The following ABLIM2 variants were observed in gnomAD, a reference collection of about 807,000 sequenced individuals.
ABLIM2 encodes the protein actin binding LIM protein family member 2.
Under a neutral mutation model 97.7 loss-of-function variants are expected in ABLIM2, and 53 were observed. That is an observed-to-expected ratio of 0.54 (90% CI 0.44 to 0.68). ABLIM2 has a LOEUF of 0.68. ABLIM2 is among the 30% of genes least tolerant of loss of function. The pLI, the probability that ABLIM2 is intolerant of heterozygous loss-of-function variation, is 0.00. For missense variants in ABLIM2, 835 were observed against 867.2 expected, an observed-to-expected ratio of 0.96 and a Z score of 0.47; for synonymous variants, 361 against 345.8, an observed-to-expected ratio of 1.04 and a Z score of -0.49.
Position 8,032,605 on chromosome 4 carries a change from C to T in ABLIM2, c.1048-2829G>A. On this transcript the variant is annotated intron_variant, in intron 10 of 20. Transcript: ENST00000447017. This position sits in a 1 kb window ranked among gnomAD's most constrained non-coding sequence, Gnocchi z 4.3. ...GTGGTTATGTTTATAACCCAGGCAG[C>T]AGCGCCACGGCAAGCGGGGACAGGC... is the stretch of plus-strand genomic sequence containing the variant. The T allele has an allele frequency of 6.2e-7, 1 of 1,611,562 alleles. No homozygotes were observed.
At chr4:8,047,874 A>G (rs1364265083) in intron 8 of ABLIM2, among the ~76,000 whole-genome samples, 1 of 152,260 alleles carries the variant, frequency 6.6e-6, no homozygotes, top group Admixed American at 6.5e-5. Context: ...TGACCTTGAC[A>G]GAGAACCCTC....
intron 6 of ABLIM2, among the ~76,000 whole-genome samples, chr4:8,077,384 T>C (rs1188825045): frequency 1.3e-5 from 2 of 152,170 alleles, no homozygotes; most frequent in Non-Finnish European, 2.9e-5. Flanking sequence ...ACTTCCCACA[T>C]GCTCTGAATT....
At chr4:8,078,848 C>T (rs1056673416) in intron 5 of ABLIM2, among the ~76,000 whole-genome samples, 3 of 152,248 alleles carry the variant, frequency 2.0e-5, no homozygotes, top group African/African-American at 7.2e-5. Context: ...CCCGGCCAGA[C>T]CCAGCACGTG....
In ABLIM2 at chr4:7,992,867, C is replaced by T. The variant is rs201611635; in HGVS notation, c.1679G>A (p.Arg560Gln). The change falls in exon 17 of 21, where the codon CGG (arginine) becomes CAG (glutamine). Residue 560 changes from arginine to glutamine, a missense_variant and splice_region_variant. By Grantham distance (43) the Arg-to-Gln change is conservative (BLOSUM62 1). Transcript: ENST00000447017. The surrounding 1 kb of genome is among the most constrained non-coding windows in gnomAD (Gnocchi z 5.7). ...GGCCAGGGAGGGGTCAGTACCTACC[C>T]GCTGGTCCAAGCCATTCTTTCCATG... ...PGHGKNGLDQ[R>Q]NANLAPCGAD... 252 of 1,612,274 alleles carry T rather than the reference C, an allele frequency of 1.6e-4. No individual in the cohort carries two copies. Among genetic ancestry groups the T allele is most frequent in the Admixed American group, 4.5e-4 (27 of 59,840 alleles).
At chr4:8,070,844 A>C (rs554638345) in intron 6 of ABLIM2, among the ~76,000 whole-genome samples, 2 of 152,234 alleles carry the variant, frequency 1.3e-5, no homozygotes, top group Admixed American at 1.3e-4. Context: ...TGATTCGCAG[A>C]ACCAGGGGGA....
rs7672713 is a variant in ABLIM2, at chr4:8,124,865, G to A, written c.11-18228C>T. 0.029 allele frequency among the ~76,000 whole-genome samples: 4,462 copies of A among 151,972 alleles called. 210 individuals carry two copies. Among genetic ancestry groups the A allele is most frequent in the African/African-American group, 0.1 (4,210 of 41,404 alleles). On this transcript the variant is annotated intron_variant, in intron 1 of 20. Transcript: ENST00000447017. This position sits in a 1 kb window ranked among gnomAD's most constrained non-coding sequence, Gnocchi z 6.1. ...TTCCACACCGGGTTCTGATTTCTACGCATCCCCACAGCCTGCTCTGGGTGT... is the reference window on the plus strand; with the variant it reads ...TTCCACACCGGGTTCTGATTTCTACACATCCCCACAGCCTGCTCTGGGTGT...
Position 8,024,158 on chromosome 4 carries a change from C to T in ABLIM2, c.1267+3601G>A, listed in dbSNP as rs1019803271. Among the ~76,000 whole-genome samples the T allele has an allele frequency of 2.0e-5, 3 of 152,168 alleles. No homozygotes were observed. In the South Asian group the frequency reaches 6.2e-4, roughly 32 times the overall value. ...CCTGAGGCTCCATCCCAGGGCCCCT[C>T]CCTCCTTCCTTCTCAGGCCAGGGGT... On this transcript the variant is annotated intron_variant, in intron 12 of 20. Coordinates refer to ENST00000447017, the MANE Select transcript of ABLIM2 (RefSeq NM_001130083.2).
chr4:8,077,225 C>T (rs10034429), intron 6 of ABLIM2, among the ~76,000 whole-genome samples: 3,469 of 152,282 alleles, frequency 0.023, 145 homozygotes, highest in African/African-American at 0.079. Context: ...TCAGAAGCTC[C>T]CCCTGCATAA....
chr4:8,017,174 C>T (rs796709210), intron 14 of ABLIM2, among the ~76,000 whole-genome samples: 9 of 152,300 alleles, frequency 5.9e-5, no homozygotes, highest in South Asian at 2.1e-4. Flanking sequence ...AGGCCTCCTG[C>T]GCCGCCTCCT....
At chr4:8,073,828 C>T (rs1423209493) in intron 6 of ABLIM2, among the ~76,000 whole-genome samples, 1 of 152,172 alleles carries the variant, frequency 6.6e-6, no homozygotes, top group Non-Finnish European at 1.5e-5. Flanking sequence ...TGGCTCACGC[C>T]TGTAACCCCG....
chr4:8,042,299 A>G (rs1005155128), intron 9 of ABLIM2, among the ~76,000 whole-genome samples: 1 of 152,226 alleles, frequency 6.6e-6, no homozygotes, highest in Non-Finnish European at 1.5e-5. Flanking sequence ...GCCTAGAAAC[A>G]TGAGTCTAAC....
rs1468086354 is a variant in ABLIM2 at position 8,032,137 on chromosome 4, G to T, written c.1048-2361C>A. Among the ~76,000 whole-genome samples the T allele has an allele frequency of 6.6e-6, 1 of 151,660 alleles. No individual in the cohort carries two copies. The highest frequency in any genetic ancestry group is 1.9e-4 in the East Asian group (1 of 5,146). The stretch of plus-strand genomic sequence containing the variant: ...ACACCTTTCTGCTGTGGCCACCCGT[G>T]CGGCCGCACAGACTGCAGTCTGATT... On this transcript the variant is annotated intron_variant, in intron 10 of 20. Transcript: ENST00000447017. This position sits in a 1 kb window ranked among gnomAD's most constrained non-coding sequence, Gnocchi z 4.3.
chr4:8,139,975 C>T (rs191720606), intron 1 of ABLIM2, among the ~76,000 whole-genome samples: 5 of 152,060 alleles, frequency 3.3e-5, no homozygotes, highest in Non-Finnish European at 1.5e-5. Flanking sequence ...AACTGGAAGC[C>T]ATTATCCTTA....
chr4:8,146,467 C>T (rs1400774012), intron 1 of ABLIM2, among the ~76,000 whole-genome samples: 1 of 152,224 alleles, frequency 6.6e-6, no homozygotes, highest in Non-Finnish European at 1.5e-5. Flanking sequence ...GCTAAAAATG[C>T]TCTTATGTTA....
Position 8,008,162 on chromosome 4 carries a change from G to A in ABLIM2, c.1515C>T (p.Asp505=), listed in dbSNP as rs551173737. The A allele has an allele frequency of 6.2e-7, 1 of 1,614,016 alleles. No homozygotes were observed. Among genetic ancestry groups the A allele is most frequent in the African/African-American group, 1.3e-5 (1 of 75,054 alleles). The change falls in exon 16 of 21, where the codon GAC becomes GAT. Residue 505 remains aspartate, a synonymous_variant. Transcript: ENST00000447017. ...SSWLMLKGDA[D]TRTNSPDLDT... ...CCAGGTCTGGAGAATTGGTCCTTGT[G>A]TCTGCATCCCCCTTGAGCATCAGCC...
At chr4:8,066,986 T>A (rs763513728) in intron 6 of ABLIM2, 7 of 152,210 alleles carry the variant, frequency 4.6e-5, no homozygotes, top group Non-Finnish European at 8.8e-5. Flanking sequence ...TTGTGTCAGG[T>A]GCTCTGCCTG....
At chr4:8,126,194 T>C (rs1847828966) in intron 1 of ABLIM2, among the ~76,000 whole-genome samples, 2 of 152,126 alleles carry the variant, frequency 1.3e-5, no homozygotes, top group Admixed American at 1.3e-4. Flanking sequence ...CCAGTTCCTC[T>C]GTGCAGGGCA....
chr4:8,111,782 C>T (rs981727498), intron 1 of ABLIM2, among the ~76,000 whole-genome samples: 1 of 151,874 alleles, frequency 6.6e-6, no homozygotes, highest in Non-Finnish European at 1.5e-5. Context: ...AAAAATTAGC[C>T]GGGTGTGGTG....
chr4:8,106,918 G>T (rs1230589368), intron 1 of ABLIM2, among the ~76,000 whole-genome samples: 9 of 152,182 alleles, frequency 5.9e-5, no homozygotes, highest in African/African-American at 1.9e-4. Flanking sequence ...AGGGGCCCGT[G>T]CTTCTCATCC....
Sources: gnomAD v4.1 joint callset for allele counts (sites outside exome capture counted in the v4.1 genomes callset) on GRCh38, gnomAD v4.1.1 for gene constraint, Gnocchi (gnomAD v3.1) non-coding constraint, MANE v1.5 for transcripts, NCBI Gene and HGNC (gene_info 2026-07-23, HGNC 2026-07-21) for gene names.